ZFAT: variants seen among roughly 807,000 people sequenced by gnomAD.
The protein encoded by ZFAT is zinc finger protein ZFAT.
In ZFAT, 64 loss-of-function variants were observed where a neutral mutation model predicts 117.7. The ratio of observed to expected loss-of-function variants is 0.54; its 90% confidence interval spans 0.44 to 0.67. The LOEUF (loss-of-function observed/expected upper bound fraction) is 0.67. Ranked by LOEUF, ZFAT falls within the 30% of genes least tolerant of loss-of-function variation. The probability of loss-of-function intolerance (pLI) is 0.00; values close to 1 mark genes in which losing one functional copy is unlikely to be tolerated. For missense variants in ZFAT, 1,433 were observed against 1,584.5 expected (o/e 0.90, Z 1.62); for synonymous variants, 679 against 615.0 (o/e 1.10, Z -1.54).
chr8:134,776,663 G>A, the ZFAT span, among the ~76,000 whole-genome samples: 1 of 152,192 alleles, frequency 6.6e-6, no homozygotes, highest in African/African-American at 2.4e-5. Flanking sequence ...AGTTACGTAC[G>A]AAGCCACAGG....
chr8:134,644,930 C>T (rs1830795089), intron 2 of ZFAT, among the ~76,000 whole-genome samples: 2 of 152,134 alleles, frequency 1.3e-5, no homozygotes, highest in Admixed American at 1.3e-4. Flanking sequence ...CAAACACACC[C>T]ATATACACAC....
the ZFAT span, among the ~76,000 whole-genome samples, chr8:134,830,714 C>A: frequency 6.6e-6 from 1 of 152,218 alleles, no homozygotes; most frequent in Admixed American, 6.5e-5. Flanking sequence ...TAAAACACAT[C>A]CACTTGGGAT....
chr8:134,496,228 T>C (rs1241019155), intron 15 of ZFAT, among the ~76,000 whole-genome samples: 4 of 152,248 alleles, frequency 2.6e-5, no homozygotes, highest in Non-Finnish European at 5.9e-5. Flanking sequence ...ATCTTCCCAT[T>C]ATACAGATGG....
chr8:134,509,979 C>T (rs923401805), intron 14 of ZFAT: 2 of 553,164 alleles, frequency 3.6e-6, no homozygotes, highest in Non-Finnish European at 6.7e-6. Context: ...GAGGATGGGA[C>T]ATTGAGACGT....
At chr8:134,699,689 C>T (rs1355183874) in intron 1 of ZFAT, among the ~76,000 whole-genome samples, 3 of 152,156 alleles carry the variant, frequency 2.0e-5, no homozygotes, top group Non-Finnish European at 4.4e-5. Context: ...TCTGTCCCTC[C>T]GTTTATTTGT....
At chr8:134,557,323 T>C (rs1179787391) in intron 11 of ZFAT, among the ~76,000 whole-genome samples, 1 of 152,146 alleles carries the variant, frequency 6.6e-6, no homozygotes, top group Non-Finnish European at 1.5e-5. Flanking sequence ...AGGGAAAGTC[T>C]GAGAAGCTGT....
chr8:134,719,427 T>C, the ZFAT span, among the ~76,000 whole-genome samples: 1 of 152,134 alleles, frequency 6.6e-6, no homozygotes, highest in Non-Finnish European at 1.5e-5. Context: ...TCAGCCCCTT[T>C]GGGGACCAAA....
intron 1 of ZFAT, among the ~76,000 whole-genome samples, chr8:134,676,954 G>C (rs552262386): frequency 5.3e-5 from 8 of 152,316 alleles, no homozygotes; most frequent in South Asian, 4.1e-4. Flanking sequence ...GCAGTGTGTA[G>C]AGGGAAATTT....
the ZFAT span, among the ~76,000 whole-genome samples, chr8:134,820,488 T>C: frequency 2.6e-5 from 4 of 152,246 alleles, no homozygotes; most frequent in East Asian, 1.9e-4. Context: ...TGGTAACAAA[T>C]GTCCAAAATC....
chr8:134,770,210 C>T, the ZFAT span, among the ~76,000 whole-genome samples: 39 of 152,210 alleles, frequency 2.6e-4, no homozygotes, highest in African/African-American at 8.7e-4. Context: ...ATCGCATTGT[C>T]AGGCTGCAAA....
At chr8:134,612,188 T>C (rs1208102006) in intron 3 of ZFAT, among the ~76,000 whole-genome samples, 1 of 152,210 alleles carries the variant, frequency 6.6e-6, no homozygotes, top group Non-Finnish European at 1.5e-5. Flanking sequence ...AGGGAACAAT[T>C]CCACATAAGC....
At chr8:134,658,699 A>G (rs1180056505) in intron 1 of ZFAT, among the ~76,000 whole-genome samples, 1 of 152,264 alleles carries the variant, frequency 6.6e-6, no homozygotes, top group Non-Finnish European at 1.5e-5. Flanking sequence ...TCAGGATTCA[A>G]TAACAATTAA....
At chr8:134,583,221 GA>G (rs1410125787) in intron 10 of ZFAT, among the ~76,000 whole-genome samples, 2 of 151,992 alleles carry the variant, frequency 1.3e-5, no homozygotes, top group Admixed American at 6.6e-5. Context: ...TCTAGATTAC[GA>G]ACTCCTTGAA....
chr8:134,657,796 C>T, intron 1 of ZFAT, 59 bp from the exon 2 acceptor site: 1 of 1,551,710 alleles, frequency 6.4e-7, no homozygotes, highest in Non-Finnish European at 8.8e-7. Context: ...ATTATTACTT[C>T]CAATTGCCAA....
the ZFAT span, chr8:134,795,778 G>A: frequency 6.6e-6 from 1 of 152,200 alleles, no homozygotes; most frequent in Non-Finnish European, 1.5e-5. Flanking sequence ...GCAGGCAACT[G>A]TGTTCCTCTT....
At chr8:134,635,890 G>A (rs1462411400) in intron 3 of ZFAT, among the ~76,000 whole-genome samples, 2 of 152,090 alleles carry the variant, frequency 1.3e-5, no homozygotes, top group Non-Finnish European at 2.9e-5. Context: ...ACAGCACTCC[G>A]GGCCTACAGC....
Position 134,604,990 on chromosome 8 carries a change from A to C in ZFAT, c.786-2057T>G, listed in dbSNP as rs538841926. Among the ~76,000 whole-genome samples, 3 of 152,356 alleles carry C rather than the reference A, an allele frequency of 2.0e-5. No individual in the cohort carries two copies. The South Asian group carries it at 6.2e-4, about 32-fold the overall frequency. On this transcript the variant is annotated intron_variant, in intron 5 of 15. Coordinates refer to ENST00000377838, the MANE Select transcript of ZFAT (RefSeq NM_020863.4). ...TTTGCATATTTTCTCCTCTACTGCAAGATCTAAATGGTCTTAGGAGAATCT... is the reference window on the plus strand; with the variant it reads ...TTTGCATATTTTCTCCTCTACTGCACGATCTAAATGGTCTTAGGAGAATCT...
At chr8:134,663,596 G>C (rs1832051518) in intron 1 of ZFAT, among the ~76,000 whole-genome samples, 1 of 152,040 alleles carries the variant, frequency 6.6e-6, no homozygotes, top group Admixed American at 6.6e-5. Flanking sequence ...AAATTAGCCG[G>C]GGGTGGGGGC....
chr8:134,729,708 A>G, the ZFAT span, among the ~76,000 whole-genome samples: 1 of 152,116 alleles, frequency 6.6e-6, no homozygotes, highest in Non-Finnish European at 1.5e-5. Flanking sequence ...CATCGTCCTT[A>G]TAAGCAATGC....
Sources: gnomAD v4.1 joint callset for allele counts (sites outside exome capture counted in the v4.1 genomes callset) on GRCh38, gnomAD v4.1.1 for gene constraint, MANE v1.5 for transcripts, NCBI Gene and HGNC (gene_info 2026-07-23, HGNC 2026-07-21) for gene names.